The following GRM8 variants were observed in gnomAD, a reference collection of about 807,000 sequenced individuals.
The protein encoded by GRM8 is metabotropic glutamate receptor 8.
A neutral mutation model predicts 87.2 loss-of-function variants in GRM8; 47 were observed. The observed-to-expected ratio is 0.54, with a 90% CI of 0.43 to 0.69. The LOEUF is 0.69. Among genes scored for constraint, GRM8 ranks in the 30% least tolerant of loss-of-function variants. The pLI, the probability that GRM8 is intolerant of heterozygous loss-of-function variation, is 0.00. For missense variants in GRM8, 1,019 were observed against 1,139.2 expected, an observed-to-expected ratio of 0.89 and a Z score of 1.52; for synonymous variants, 396 against 404.5, an observed-to-expected ratio of 0.98 and a Z score of 0.25.
chr7:127,215,453 A>G (rs1796469487), intron 2 of GRM8, among the ~76,000 whole-genome samples: 1 of 151,912 alleles, frequency 6.6e-6, no homozygotes, highest in Non-Finnish European at 1.5e-5. Context: ...TGACCTTGTA[A>G]CAGCGCCCAA....
intron 9 of GRM8, among the ~76,000 whole-genome samples, chr7:126,505,377 A>T (rs1006265679): frequency 1.3e-4 from 20 of 152,058 alleles, no homozygotes. Flanking sequence ...GTATAAATTC[A>T]TAAGTGTTTT....
chr7:126,915,845 A>G (rs567278240), intron 3 of GRM8, among the ~76,000 whole-genome samples: 2 of 152,332 alleles, frequency 1.3e-5, no homozygotes, highest in South Asian at 4.1e-4. Context: ...GGGTCAAAAA[A>G]GCAAGTGCAG....
At chr7:126,490,255 A>C (rs1482789322) in intron 9 of GRM8, among the ~76,000 whole-genome samples, 2 of 151,962 alleles carry the variant, frequency 1.3e-5, no homozygotes, top group Non-Finnish European at 2.9e-5. Flanking sequence ...CTCTTATCCA[A>C]GTTCTCTAAT....
At chr7:126,562,741 CA>C (rs1485888195) in intron 8 of GRM8, among the ~76,000 whole-genome samples, 1 of 151,908 alleles carries the variant, frequency 6.6e-6, no homozygotes, top group Non-Finnish European at 1.5e-5. Flanking sequence ...CTGAAACATA[CA>C]AAAAAGTTAG....
chr7:126,570,724 C>T (rs1357634812), intron 8 of GRM8, among the ~76,000 whole-genome samples: 1 of 152,150 alleles, frequency 6.6e-6, no homozygotes, highest in Non-Finnish European at 1.5e-5. Context: ...ATAGGAATTA[C>T]CATGACACTT....
At position 126,559,150 on chromosome 7, in the gene GRM8, CTTTTTTT is replaced by C. The variant is rs551929723; in HGVS notation, c.1495-25270_1495-25264del. The stretch of plus-strand genomic sequence containing the variant: ...AGTGTCAGCTACTGGTAATCTTTTG[CTTTTTTT>C]TTTTTTTTTTTTTAAGGCAGACCTT... On this transcript the variant is annotated intron_variant, in intron 8 of 10. Coordinates refer to ENST00000339582, the MANE Select transcript of GRM8 (RefSeq NM_000845.3). Among the ~76,000 whole-genome samples the C allele has an allele frequency of 7.8e-3, 947 of 122,004 alleles. 4 individuals carry two copies. Among genetic ancestry groups the C allele is most frequent in the African/African-American group, 0.026 (862 of 32,610 alleles). The allele number at this position is 122,004 out of a possible 152,430, so 80.0% of individuals were successfully genotyped here. A position where few individuals can be genotyped will look rare whatever the true frequency, so the allele number is the denominator to read the frequency against.
At chr7:126,882,548 A>T (rs1371101438) in intron 6 of GRM8, among the ~76,000 whole-genome samples, 2 of 152,248 alleles carry the variant, frequency 1.3e-5, no homozygotes, top group Non-Finnish European at 2.9e-5. Flanking sequence ...CGCTAAAAAA[A>T]ACTTAAAAGC....
chr7:127,180,066 G>C (rs935876444), intron 2 of GRM8, among the ~76,000 whole-genome samples: 5 of 151,864 alleles, frequency 3.3e-5, no homozygotes, highest in Non-Finnish European at 7.4e-5. Flanking sequence ...CAAAAAGCTG[G>C]TTATTTAAAA....
chr7:126,647,290 G>C (rs924809202), intron 7 of GRM8, among the ~76,000 whole-genome samples: 1 of 117,114 alleles, frequency 8.5e-6, no homozygotes, highest in Non-Finnish European at 1.7e-5. Context: ...TACATAAATA[G>C]ATGGATAGAT....
intron 3 of GRM8, among the ~76,000 whole-genome samples, chr7:126,948,500 G>T (rs563701448): frequency 2.6e-4 from 39 of 150,594 alleles, no homozygotes; most frequent in South Asian, 2.1e-3. Context: ...ATGATGCCAA[G>T]GAAAGGAGTT....
intron 9 of GRM8, among the ~76,000 whole-genome samples, chr7:126,532,307 T>C (rs912977633): frequency 6.6e-5 from 10 of 152,198 alleles, no homozygotes; most frequent in African/African-American, 2.4e-4. Flanking sequence ...TTTACCCTCA[T>C]CATCAACTTC....
At chr7:127,135,281 G>A (rs1313668569) in intron 2 of GRM8, among the ~76,000 whole-genome samples, 1 of 151,982 alleles carries the variant, frequency 6.6e-6, no homozygotes, top group Non-Finnish European at 1.5e-5. Context: ...AAATAAATCT[G>A]AGCTTTGTGT....
intron 2 of GRM8, among the ~76,000 whole-genome samples, chr7:127,234,466 A>G (rs990742477): frequency 5.9e-5 from 9 of 152,226 alleles, no homozygotes; most frequent in African/African-American, 2.2e-4. Context: ...ATTATGACCA[A>G]TATGAACAGA....
chr7:126,702,558 C>T (rs1183134938), intron 7 of GRM8, among the ~76,000 whole-genome samples: 1 of 152,162 alleles, frequency 6.6e-6, no homozygotes, highest in Non-Finnish European at 1.5e-5. Context: ...TATTGTCAGA[C>T]AGCACATAAG....
At chr7:127,204,154 ACACT>A in intron 2 of GRM8, among the ~76,000 whole-genome samples, 1 of 152,238 alleles carries the variant, frequency 6.6e-6, no homozygotes, top group Non-Finnish European at 1.5e-5. Context: ...AAGAGGCTAA[ACACT>A]AGAAAGCAGC....
At chr7:126,605,658 T>C (rs765682618) in intron 8 of GRM8, among the ~76,000 whole-genome samples, 3 of 152,148 alleles carry the variant, frequency 2.0e-5, no homozygotes, top group Non-Finnish European at 1.5e-5. Context: ...CAAGCAGAGT[T>C]CAATCCAATA....
intron 7 of GRM8, among the ~76,000 whole-genome samples, chr7:126,669,213 T>C (rs1015736940): frequency 5.3e-5 from 8 of 152,164 alleles, no homozygotes; most frequent in African/African-American, 1.9e-4. Context: ...AAATACCTAA[T>C]GAATGTGGGG....
At chr7:126,612,018 C>T (rs1336284271) in intron 7 of GRM8, among the ~76,000 whole-genome samples, 2 of 152,188 alleles carry the variant, frequency 1.3e-5, no homozygotes, top group Admixed American at 1.3e-4. Context: ...AAACGCCCCT[C>T]TGTCACTTAT....
intron 6 of GRM8, among the ~76,000 whole-genome samples, chr7:126,826,869 T>C (rs1458744455): frequency 1.3e-5 from 2 of 152,218 alleles, no homozygotes; most frequent in African/African-American, 2.4e-5. Flanking sequence ...TTAATTTTTG[T>C]ATTAATTGAA....
Sources: allele counts gnomAD v4.1 joint callset (sites outside exome capture counted in the v4.1 genomes callset), GRCh38; gene constraint gnomAD v4.1.1; transcripts MANE v1.5; gene names NCBI Gene and HGNC (gene_info 2026-07-23, HGNC 2026-07-21).